Variants in CACNA2D4 observed in about 807,000 individuals in gnomAD.
CACNA2D4 encodes the protein calcium voltage-gated channel auxiliary subunit alpha2delta 4.
A neutral mutation model predicts 163.8 loss-of-function variants in CACNA2D4; 157 were observed. The ratio of observed to expected loss-of-function variants is 0.96; its 90% CI spans 0.84 to 1.09. The LOEUF (loss-of-function observed/expected upper bound fraction) is 1.09, where lower values mean the gene tolerates loss of function less well. Ranked by LOEUF, CACNA2D4 falls within the 50% of genes least tolerant of loss-of-function variation. The pLI is 0.00. For missense variants in CACNA2D4, 1,410 were observed against 1,479.9 expected (o/e 0.95, Z 0.78); for synonymous variants, 598 against 586.9 (o/e 1.02, Z -0.27).
Position 1,907,493 on chromosome 12 carries a change from G to A in CACNA2D4, c.728C>T (p.Thr243Met), listed in dbSNP as rs755897098. 6.2e-7 allele frequency: 1 copy of A among 1,613,836 alleles called. No homozygotes were observed. Residue 243 changes from threonine to methionine, a missense_variant, in exon 6 of 38, where the codon ACG becomes ATG. Transcript: ENST00000382722. ...ACTGCCAAAATATTGCCAGGTCAAC[G>A]TTGGGTCTCTCTGGAAGTTCTCCAC... ...VFVENFQRDPTLTWQYFGSAT... is the reference protein window; with the variant it reads ...VFVENFQRDPMLTWQYFGSAT...
chr12:1,880,455 C>T (rs1865970296), intron 13 of CACNA2D4, among the ~76,000 whole-genome samples: 1 of 152,266 alleles, frequency 6.6e-6, no homozygotes, highest in South Asian at 2.1e-4. Flanking sequence ...ACTCACAGCA[C>T]CAGAGCCAAA....
Position 1,887,087 on chromosome 12 carries a change from CGTTCTT to C in CACNA2D4, c.782-24_782-19del. On this transcript the variant is annotated intron_variant, in intron 6 of 37. Transcript: ENST00000382722. Reference sequence around the variant, plus strand: ...TTTTATACCTGGGAGAATAAAGACTCGTTCTTTTACTAGCTTGGTGAGGCCACCCCA... The same window carrying C: ...TTTTATACCTGGGAGAATAAAGACTCTTACTAGCTTGGTGAGGCCACCCCA... 6.4e-7 allele frequency: 1 copy of C among 1,556,178 alleles called. No individual in the cohort carries two copies. Among genetic ancestry groups the C allele is most frequent in the Non-Finnish European group, 8.8e-7 (1 of 1,142,212 alleles).
Position 1,879,029 on chromosome 12 carries a change from TGGGATC to T in CACNA2D4, c.1565_1570del (p.Arg522_Ser523del). On this transcript the variant is annotated inframe_deletion and splice_region_variant, in exon 15 of 38. Coordinates refer to ENST00000382722, the MANE Select transcript of CACNA2D4 (RefSeq NM_172364.5). ...GCCCACCACACCCAGGAGAATGCCATGGGATCGCTGGAAGGAAAGACACAAGGGGTG... is the reference window on the plus strand; with the variant it reads ...GCCCACCACACCCAGGAGAATGCCATGCTGGAAGGAAAGACACAAGGGGTG... The T allele has an allele frequency of 6.2e-7, 1 of 1,613,658 alleles. No homozygotes were observed. The highest frequency in any genetic ancestry group is 8.5e-7 in the Non-Finnish European group (1 of 1,179,738).
At chr12:1,810,702 G>A (rs1027768038) in intron 27 of CACNA2D4, 115 bp from the exon 28 acceptor site, 19 of 1,080,552 alleles carry the variant, frequency 1.8e-5, no homozygotes, top group African/African-American at 1.4e-4. Context: ...TGTGTGCATG[G>A]GGTGTGTATC....
chr12:1,898,092 A>G (rs950678813), intron 6 of CACNA2D4, among the ~76,000 whole-genome samples: 1 of 152,208 alleles, frequency 6.6e-6, no homozygotes, highest in Non-Finnish European at 1.5e-5. Context: ...CATATTTGTA[A>G]ATTTAAAAAC....
Position 1,810,316 on chromosome 12 carries a change from T to C in CACNA2D4, c.2683A>G (p.Asn895Asp). The part of the protein sequence containing the change: ...DSDLDCFVID[N>D]NGFILISKRS... ...TTGGAGATCAGAATGAACCCGTTGTTGTCGATGACGAAGCAGTCCAGATCC... is the reference window on the plus strand; with the variant it reads ...TTGGAGATCAGAATGAACCCGTTGTCGTCGATGACGAAGCAGTCCAGATCC... The change falls in exon 29 of 38, where the codon AAC (asparagine) becomes GAC (aspartate). Residue 895 changes from asparagine (N) to aspartate (D), a missense_variant. By Grantham distance (23) the Asn-to-Asp change is conservative. Transcript: ENST00000382722. 2.5e-6 allele frequency: 4 copies of C among 1,613,972 alleles called. No homozygotes were observed. In the South Asian group the frequency reaches 3.3e-5, roughly 13 times the overall value.
At chr12:1,908,190 T>G (rs1050341748) in intron 4 of CACNA2D4, among the ~76,000 whole-genome samples, 153 bp from the exon 5 acceptor site, 4 of 152,180 alleles carry the variant, frequency 2.6e-5, no homozygotes, top group African/African-American at 9.7e-5. Flanking sequence ...CGCTGGGCAC[T>G]GATCAGGGCG....
chr12:1,801,746 G>C, intron 29 of CACNA2D4, 102 bp from the exon 30 acceptor site: 1 of 747,810 alleles, frequency 1.3e-6, no homozygotes, highest in Admixed American at 2.9e-5. Flanking sequence ...CGAGGCTTTT[G>C]GTGCCAGTTG....
rs890659825 is a variant in CACNA2D4, at chr12:1,843,588, G to C, written c.2470+814C>G. Reference sequence around the variant, plus strand: ...GGGGTGGCTGTGCCATGCACTCTGGGATCCCTGGACAAGCCCCGGAAGCTC... The same window carrying C: ...GGGGTGGCTGTGCCATGCACTCTGGCATCCCTGGACAAGCCCCGGAAGCTC... On this transcript the variant is annotated intron_variant, in intron 25 of 37. Transcript: ENST00000382722. This position sits in a 1 kb window ranked among gnomAD's most constrained non-coding sequence, Gnocchi z 4.6. Among the ~76,000 whole-genome samples the C allele has an allele frequency of 6.6e-6, 1 of 152,218 alleles. No homozygotes were observed. The highest frequency in any genetic ancestry group is 2.4e-5 in the African/African-American group (1 of 41,448).
intron 26 of CACNA2D4, among the ~76,000 whole-genome samples, chr12:1,818,859 G>A (rs145915509): frequency 2.2e-5 from 3 of 133,386 alleles, no homozygotes; most frequent in South Asian, 2.4e-4. Context: ...TGCGGAAGGC[G>A]GCAGGGCCCT....
Position 1,798,899 on chromosome 12 carries a change from GC to G in CACNA2D4, c.2995+775del, listed in dbSNP as rs1327446028. 6.6e-6 allele frequency among the ~76,000 whole-genome samples: 1 copy of G among 152,152 alleles called. No homozygotes were observed. The highest frequency in any genetic ancestry group is 1.9e-4 in the East Asian group (1 of 5,170). ...AGTCCAGAAGGAGTCTGGAGACACAGCCCGAACTGCCCTGAGCCCAGGGGCA... is the reference window on the plus strand; with the variant it reads ...AGTCCAGAAGGAGTCTGGAGACACAGCCGAACTGCCCTGAGCCCAGGGGCA... On this transcript the variant is annotated intron_variant, in intron 34 of 37. Transcript: ENST00000382722. The surrounding 1 kb of genome is among the most constrained non-coding windows in gnomAD (Gnocchi z 4.3).
At chr12:1,801,756 G>C (rs1863341701) in intron 29 of CACNA2D4, 112 bp from the exon 30 acceptor site, 2 of 684,098 alleles carry the variant, frequency 2.9e-6, no homozygotes, top group African/African-American at 3.6e-5. Flanking sequence ...GGTGCCAGTT[G>C]GGCTTTCCCT....
intron 23 of CACNA2D4, among the ~76,000 whole-genome samples, chr12:1,847,172 G>A (rs777792517): frequency 9.2e-5 from 14 of 152,218 alleles, no homozygotes; most frequent in Non-Finnish European, 1.6e-4. Context: ...AAGTCCCAAC[G>A]GACCTCATAA....
intron 26 of CACNA2D4, among the ~76,000 whole-genome samples, chr12:1,825,277 A>AG (rs1309182076): frequency 6.6e-6 from 1 of 152,184 alleles, no homozygotes; most frequent in Non-Finnish European, 1.5e-5. Flanking sequence ...GAGCCTATCC[A>AG]GGGGAGGCAG....
intron 36 of CACNA2D4, 109 bp from the exon 37 acceptor site, chr12:1,795,490 G>T: frequency 1.8e-6 from 2 of 1,135,000 alleles, no homozygotes; most frequent in Non-Finnish European, 2.6e-6. Context: ...CCTGCAAGCA[G>T]CTTTAGGGTC....
chr12:1,793,897 C>CT, intron 37 of CACNA2D4, 138 bp from the exon 38 acceptor site: 1 of 655,108 alleles, frequency 1.5e-6, no homozygotes, highest in Non-Finnish European at 2.6e-6. Context: ...TGCTACCTCT[C>CT]TTAGGCCCCT....
rs894965901 is a variant in CACNA2D4 at position 1,829,286 on chromosome 12, T to C, written c.2551+11453A>G. On this transcript the variant is annotated intron_variant, in intron 26 of 37. Transcript: ENST00000382722. This position sits in a 1 kb window ranked among gnomAD's most constrained non-coding sequence, Gnocchi z 4.2. ...TCCTTTTGAGAGGGAGCTGAATGCG[T>C]TGGATTTTATTTCCTGGGGAAAGTC... Among the ~76,000 whole-genome samples the C allele has an allele frequency of 2.0e-5, 3 of 152,064 alleles. No individual in the cohort carries two copies. Among genetic ancestry groups the C allele is most frequent in the African/African-American group, 7.2e-5 (3 of 41,384 alleles).
intron 23 of CACNA2D4, among the ~76,000 whole-genome samples, chr12:1,852,654 G>T (rs7298554): frequency 0.013 from 1,984 of 152,214 alleles, 61 homozygotes; most frequent in African/African-American, 0.043. Context: ...CTCTGGTTAA[G>T]AATATTTCCT....
chr12:1,844,457 G>C lies in CACNA2D4; in HGVS notation c.2415C>G (p.Ala805=). The change falls in exon 25 of 38, where the codon GCC becomes GCG. Residue 805 remains alanine (A), a synonymous_variant. Coordinates refer to ENST00000382722, the MANE Select transcript of CACNA2D4 (RefSeq NM_172364.5). This position sits in a 1 kb window ranked among gnomAD's most constrained non-coding sequence, Gnocchi z 4.2. ...LDRFPLWYRQ[A]SEHPAGSFVF... The stretch of plus-strand genomic sequence containing the variant: ...CGAAGCTGCCAGCAGGATGCTCTGA[G>C]GCCTGGCGGTACCACAGCGGGAAGC... The C allele has an allele frequency of 1.2e-6, 2 of 1,613,656 alleles. No individual in the cohort carries two copies. The highest frequency in any genetic ancestry group is 1.7e-6 in the Non-Finnish European group (2 of 1,179,800).
Sources: allele counts gnomAD v4.1 joint callset (sites outside exome capture counted in the v4.1 genomes callset), GRCh38; gene constraint gnomAD v4.1.1; non-coding constraint Gnocchi (gnomAD v3.1); transcripts MANE v1.5; gene names NCBI Gene and HGNC (gene_info 2026-07-23, HGNC 2026-07-21).